POLR2F: variants seen among roughly 807,000 people sequenced by gnomAD.
The protein encoded by POLR2F is DNA-directed RNA polymerases I, II, and III subunit RPABC2.
In POLR2F, 12 loss-of-function variants were observed where a neutral mutation model predicts 22.7. That is an observed-to-expected ratio of 0.53 (90% CI 0.34 to 0.86). POLR2F has a LOEUF of 0.86. POLR2F is among the 40% of genes least tolerant of loss of function. The pLI, the probability that POLR2F is intolerant of heterozygous loss-of-function variation, is 0.02. For missense variants in POLR2F, 126 were observed against 171.5 expected (o/e 0.73, Z 1.48); for synonymous variants, 57 against 66.0 (o/e 0.86, Z 0.66).
chr22:38,039,217 C>T (rs2085148179), intron 5 of POLR2F, among the ~76,000 whole-genome samples: 1 of 152,220 alleles, frequency 6.6e-6, no homozygotes, highest in Admixed American at 6.5e-5. Flanking sequence ...CCAGATGGGG[C>T]TGTCTCCCGA....
In POLR2F at chr22:37,959,920, C is replaced by T. The variant is rs190665681; in HGVS notation, c.221+444C>T. Among the ~76,000 whole-genome samples, 6 of 151,710 alleles carry T rather than the reference C, an allele frequency of 4.0e-5. No individual in the cohort carries two copies. In the East Asian group the frequency reaches 1.2e-3, roughly 30 times the overall value. Reference sequence around the variant, plus strand: ...CCAGGTTCAAGTGATTCTCGTGCCTCAGCCTCCCAGGTAGCTGGAATTACA... The same window carrying T: ...CCAGGTTCAAGTGATTCTCGTGCCTTAGCCTCCCAGGTAGCTGGAATTACA... On this transcript the variant is annotated intron_variant, in intron 3 of 4. Transcript: ENST00000442738.
Position 37,953,730 on chromosome 22 carries a change from T to A in POLR2F, c.-58T>A. 2 of 1,586,986 alleles carry A rather than the reference T, an allele frequency of 1.3e-6. No individual in the cohort carries two copies. Among genetic ancestry groups the A allele is most frequent in the Non-Finnish European group, 8.5e-7 (1 of 1,170,672 alleles). ...GGAGCCGCGCGAGTCGTAGTGTCGC[T>A]GTTTGCGGGTCTCCGCGCGGGACCG... On this transcript the variant is annotated 5_prime_UTR_variant, in exon 1 of 5. Coordinates refer to ENST00000442738, the MANE Select transcript of POLR2F (RefSeq NM_021974.5).
In POLR2F at chr22:37,987,178, G is replaced by A. The variant is rs79671052; in HGVS notation, c.120+866G>A. On this transcript the variant is annotated intron_variant, in intron 1 of 2. Transcript: ENST00000333418. ...GGGTGTTTATTCTGCAGCAGAGAGG[G>A]GTCTGCGGTCTGAGTGTAATGGTGG... 3,173 of 456,660 alleles carry A rather than the reference G, an allele frequency of 6.9e-3. 75 individuals carry two copies. Among genetic ancestry groups the A allele is most frequent in the African/African-American group, 0.057 (2,838 of 50,152 alleles). 28.3% of individuals were successfully genotyped at this position (456,660 alleles called of 1,614,324 possible).
intron 5 of POLR2F, among the ~76,000 whole-genome samples, chr22:38,037,439 A>ATTTTTT (rs10624395): frequency 8.9e-5 from 11 of 124,180 alleles, no homozygotes; most frequent in African/African-American, 3.6e-4. Context: ...ATGCTCGGCT[A>ATTTTTT]TTTTTTTTTT....
downstream of POLR2F, among the ~76,000 whole-genome samples, chr22:38,030,724 A>T (rs1424592388): frequency 6.6e-6 from 1 of 152,080 alleles, no homozygotes; most frequent in Non-Finnish European, 1.5e-5. Context: ...CTTCTCTGGG[A>T]TGACTTGCTT....
intron 1 of POLR2F, among the ~76,000 whole-genome samples, chr22:38,014,303 C>T (rs959231795): frequency 1.3e-5 from 2 of 151,066 alleles, no homozygotes; most frequent in Admixed American, 1.3e-4. Flanking sequence ...CTCTGTATGC[C>T]TTTTATTTCA....
intron 5 of POLR2F, among the ~76,000 whole-genome samples, chr22:38,036,038 G>A (rs1220856799): frequency 6.7e-6 from 1 of 149,022 alleles, no homozygotes; most frequent in East Asian, 2.0e-4. Flanking sequence ...TGCAGTGGCA[G>A]GATCTTGGCT....
At chr22:37,999,633 T>C (rs1177382356) in intron 1 of POLR2F, among the ~76,000 whole-genome samples, 2 of 151,972 alleles carry the variant, frequency 1.3e-5, no homozygotes. Flanking sequence ...GAAATGAGCC[T>C]AGACTCTGTG....
chr22:37,978,326 A>G lies in POLR2F; in HGVS notation c.293+11156A>G, dbSNP rs1375151344. Among the ~76,000 whole-genome samples the G allele has an allele frequency of 6.6e-6, 1 of 152,222 alleles. No homozygotes were observed. Among genetic ancestry groups the G allele is most frequent in the Non-Finnish European group, 1.5e-5 (1 of 68,030 alleles). ...GACTGAGAGATGTGAGGCCCAAGGA[A>G]TAACAGCCTCAGAGGGCTGCCCCCA... On this transcript the variant is annotated intron_variant, in intron 4 of 4. Transcript: ENST00000405557. The surrounding 1 kb of genome is among the most constrained non-coding windows in gnomAD (Gnocchi z 5.0).
At chr22:37,992,276 G>A (rs1932742721) in intron 1 of POLR2F, among the ~76,000 whole-genome samples, 1 of 152,144 alleles carries the variant, frequency 6.6e-6, no homozygotes, top group South Asian at 2.1e-4. Context: ...CTTAAGACAG[G>A]GTCTGGCACA....
intron 5 of POLR2F, among the ~76,000 whole-genome samples, chr22:38,039,145 C>T (rs1172857947): frequency 1.3e-5 from 2 of 152,220 alleles, no homozygotes; most frequent in Non-Finnish European, 2.9e-5. Context: ...AGGGGGCCGC[C>T]GCTGGGAACC....
chr22:38,005,355 C>A (rs137869374), intron 1 of POLR2F, among the ~76,000 whole-genome samples: 2,188 of 152,314 alleles, frequency 0.014, 26 homozygotes, highest in Non-Finnish European at 0.024. Context: ...AAATTCCTGG[C>A]CTCAAGTGAT....
intron 1 of POLR2F, among the ~76,000 whole-genome samples, chr22:38,013,484 A>G (rs1352285900): frequency 2.6e-5 from 4 of 152,188 alleles, no homozygotes; most frequent in Non-Finnish European, 5.9e-5. Flanking sequence ...AAATCTTGCT[A>G]TCATTGTCTA....
intron 4 of POLR2F, 142 bp from the exon 5 acceptor site, chr22:37,967,483 T>A: frequency 6.9e-7 from 1 of 1,456,710 alleles, no homozygotes; most frequent in Non-Finnish European, 9.0e-7. Flanking sequence ...TTGTAATTGC[T>A]TTCTTACAAA....
At chr22:38,018,379 G>A (rs780376240) in intron 1 of POLR2F, among the ~76,000 whole-genome samples, 4 of 152,196 alleles carry the variant, frequency 2.6e-5, no homozygotes, top group Admixed American at 2.6e-4. Flanking sequence ...GGTCTGCAGA[G>A]TAAATATTCA....
chr22:37,986,343 G>A lies in POLR2F; in HGVS notation c.120+31G>A. 2 of 1,531,418 alleles carry A rather than the reference G, an allele frequency of 1.3e-6. No homozygotes were observed. Among genetic ancestry groups the A allele is most frequent in the Non-Finnish European group, 1.7e-6 (2 of 1,143,608 alleles). 94.9% of individuals were successfully genotyped at this position (1,531,418 alleles called of 1,614,324 possible). A position where few individuals can be genotyped will look rare whatever the true frequency, so the allele number is the denominator to read the frequency against. On this transcript the variant is annotated intron_variant, in intron 1 of 2. Coordinates refer to the POLR2F transcript ENST00000333418. This position sits in a 1 kb window ranked among gnomAD's most constrained non-coding sequence, Gnocchi z 4.7. ...TCCCCACTCATCCTTCCACCCCTCA[G>A]TTCCTCCTCTTTGAGGAAAGGACCT...
downstream of POLR2F, among the ~76,000 whole-genome samples, chr22:38,030,164 T>C (rs997351992): frequency 6.6e-6 from 1 of 152,092 alleles, no homozygotes; most frequent in Non-Finnish European, 1.5e-5. Context: ...TGGACTTTTA[T>C]TGGTGGCAAG....
intron 4 of POLR2F, among the ~76,000 whole-genome samples, chr22:37,976,020 C>T (rs188287422): frequency 9.2e-5 from 14 of 152,082 alleles, no homozygotes; most frequent in Middle Eastern, 3.4e-3. Flanking sequence ...GTCAGGAATT[C>T]GAGACCAGCC....
Position 37,960,934 on chromosome 22 carries a change from C to T in POLR2F, c.221+1458C>T, listed in dbSNP as rs1931614881. Among the ~76,000 whole-genome samples the T allele has an allele frequency of 2.0e-5, 3 of 150,568 alleles. No individual in the cohort carries two copies. In the South Asian group the frequency reaches 6.3e-4, roughly 32 times the overall value. On this transcript the variant is annotated intron_variant, in intron 3 of 4. Coordinates refer to ENST00000442738, the MANE Select transcript of POLR2F (RefSeq NM_021974.5). ...CGTGATCTCGGTTCACTGCAATATCCACCTCCTAGGATCACGCCATTCTCC... is the reference window on the plus strand; with the variant it reads ...CGTGATCTCGGTTCACTGCAATATCTACCTCCTAGGATCACGCCATTCTCC...
Sources: gnomAD v4.1 joint callset for allele counts (sites outside exome capture counted in the v4.1 genomes callset) on GRCh38, gnomAD v4.1.1 for gene constraint, Gnocchi (gnomAD v3.1) non-coding constraint, MANE v1.5 for transcripts, NCBI Gene and HGNC (gene_info 2026-07-23, HGNC 2026-07-21) for gene names.